The following PHIP variants were observed in gnomAD, a reference collection of about 807,000 sequenced individuals.
PHIP encodes PHIP subunit of CUL4-Ring ligase complex.
PHIP carries 54 observed loss-of-function variants against 236.8 expected under a neutral mutation model. That is an observed-to-expected ratio of 0.23 (90% confidence interval 0.18 to 0.29). PHIP has a LOEUF of 0.29. Among genes scored for constraint, PHIP ranks in the 10% least tolerant of loss-of-function variants. PHIP has a pLI of 1.00. For missense variants in PHIP, 1,370 were observed against 2,190.8 expected, an observed-to-expected ratio of 0.63 and a Z score of 7.48; for synonymous variants, 756 against 718.9, an observed-to-expected ratio of 1.05 and a Z score of -0.83.
At chr6:79,044,202 T>C (rs979252181) in intron 6 of PHIP, among the ~76,000 whole-genome samples, 2 of 152,128 alleles carry the variant, frequency 1.3e-5, no homozygotes, top group African/African-American at 4.8e-5. Flanking sequence ...TATGCTTATA[T>C]GTTCTTTCAT....
chr6:78,985,001 T>TAA, intron 22 of PHIP, among the ~76,000 whole-genome samples: 1 of 152,154 alleles, frequency 6.6e-6, no homozygotes, highest in Middle Eastern at 3.4e-3. Flanking sequence ...ATTCCATAAA[T>TAA]TCCACTATAT....
At chr6:79,072,363 C>T (rs1017237980) in intron 4 of PHIP, among the ~76,000 whole-genome samples, 4 of 152,218 alleles carry the variant, frequency 2.6e-5, no homozygotes, top group Non-Finnish European at 5.9e-5. Flanking sequence ...ACAATTTTTC[C>T]AGAGGTCTAT....
intron 15 of PHIP, among the ~76,000 whole-genome samples, chr6:79,014,325 T>A (rs1014065497): frequency 6.6e-6 from 1 of 151,788 alleles, no homozygotes; most frequent in African/African-American, 2.4e-5. Flanking sequence ...TTATGGTTCA[T>A]TACTAAAGAT....
chr6:79,025,676 A>C, intron 8 of PHIP, 57 bp from the exon 9 acceptor site: 1 of 1,143,394 alleles, frequency 8.7e-7, no homozygotes, highest in Non-Finnish European at 1.3e-6. Flanking sequence ...TCAAAATAAA[A>C]TCTACTTTTT....
intron 35 of PHIP, among the ~76,000 whole-genome samples, chr6:78,951,274 T>C (rs1774128089): frequency 6.6e-6 from 1 of 152,180 alleles, no homozygotes; most frequent in South Asian, 2.1e-4. Context: ...TTGGCTCATA[T>C]CTTGGGCTTA....
At chr6:79,070,226 T>A (rs1056040603) in intron 4 of PHIP, among the ~76,000 whole-genome samples, 1 of 152,184 alleles carries the variant, frequency 6.6e-6, no homozygotes. Context: ...ATTTTAAAAT[T>A]CTCTTTAAAG....
In PHIP at chr6:79,025,515, T is replaced by C; in HGVS notation, c.923+4A>G. Reference sequence around the variant, plus strand: ...TTAATCTATGAAATAAAATAGAAACTGACTTTATTTTAAGGGTTCCAGCAT... The same window carrying C: ...TTAATCTATGAAATAAAATAGAAACCGACTTTATTTTAAGGGTTCCAGCAT... On this transcript the variant is annotated splice_donor_region_variant and intron_variant, in intron 9 of 39. Coordinates refer to ENST00000275034, the MANE Select transcript of PHIP (RefSeq NM_017934.7). The C allele has an allele frequency of 3.2e-6, 5 of 1,544,558 alleles. No homozygotes were observed. Among genetic ancestry groups the C allele is most frequent in the Non-Finnish European group, 3.6e-6 (4 of 1,117,840 alleles).
chr6:79,016,118 T>C (rs1481931992), intron 13 of PHIP, among the ~76,000 whole-genome samples: 2 of 152,038 alleles, frequency 1.3e-5, no homozygotes, highest in Non-Finnish European at 2.9e-5. Flanking sequence ...CTGTTCTGCT[T>C]TCCCATCCAT....
Position 78,985,423 on chromosome 6 carries a change from G to A in PHIP, c.2466C>T (p.Gly822=), listed in dbSNP as rs757432741. 2.2e-5 allele frequency: 34 copies of A among 1,558,546 alleles called. No individual in the cohort carries two copies. The highest frequency in any genetic ancestry group is 1.4e-5 in the African/African-American group (1 of 73,630). Residue 822 remains glycine, a synonymous_variant, in exon 22 of 40, where the codon GGC becomes GGT. Coordinates refer to ENST00000275034, the MANE Select transcript of PHIP (RefSeq NM_017934.7). ...TTCCACCACTGACAGCAACTACTTC[G>A]CCTTCCTAAGATATGTTGAATACAT... ...IENGSSSSDE[G]EVVAVSGGTS...
rs369427137 is a variant in PHIP at position 78,946,883 on chromosome 6, GAA to G, written c.4207-11_4207-10del. On this transcript the variant is annotated splice_polypyrimidine_tract_variant and intron_variant, in intron 36 of 39. Coordinates refer to ENST00000275034, the MANE Select transcript of PHIP (RefSeq NM_017934.7). ...AAACTCATGCTGTAAATCTGTGAGG[GAA>G]AAAAAAAAGTGTTCAACCATTCCTT... 26 of 1,308,948 alleles carry G rather than the reference GAA, an allele frequency of 2.0e-5. No individual in the cohort carries two copies. Among genetic ancestry groups the G allele is most frequent in the Admixed American group, 8.3e-5 (3 of 36,274 alleles). 81.1% of individuals were successfully genotyped at this position (1,308,948 alleles called of 1,614,324 possible). A position where few individuals can be genotyped will look rare whatever the true frequency, so the allele number is the denominator to read the frequency against.
At position 78,987,350 on chromosome 6, in the gene PHIP, A is replaced by G. The variant is rs117968518; in HGVS notation, c.2460+859T>C. ...CATGTGTCAAATTCATATAATCAGT[A>G]TATTTCTCTTTTTTTGCCAGAATGA... On this transcript the variant is annotated intron_variant, in intron 21 of 39. Coordinates refer to ENST00000275034, the MANE Select transcript of PHIP (RefSeq NM_017934.7). Among the ~76,000 whole-genome samples the G allele has an allele frequency of 9.0e-4, 137 of 152,246 alleles. 1 individual carries two copies. The Middle Eastern group carries it at 0.024, about 26-fold the overall frequency.
chr6:79,002,843 A>G (rs1478655909), intron 16 of PHIP, among the ~76,000 whole-genome samples: 1 of 152,072 alleles, frequency 6.6e-6, no homozygotes, highest in Non-Finnish European at 1.5e-5. Flanking sequence ...AGTAAGTATG[A>G]TTTGTGTAAT....
chr6:79,035,850 C>T (rs188760802), intron 7 of PHIP, among the ~76,000 whole-genome samples: 167 of 152,228 alleles, frequency 1.1e-3, no homozygotes, highest in Admixed American at 1.6e-3. Flanking sequence ...ACCAATCTAT[C>T]AGACCTGTGT....
intron 35 of PHIP, among the ~76,000 whole-genome samples, chr6:78,949,879 G>A (rs552705435): frequency 7.6e-4 from 115 of 152,148 alleles, no homozygotes; most frequent in African/African-American, 2.6e-3. Context: ...TGTAAAGACG[G>A]GGTTTTGCCA....
intron 6 of PHIP, among the ~76,000 whole-genome samples, chr6:79,057,832 G>A (rs550775368): frequency 1.3e-5 from 2 of 152,084 alleles, no homozygotes; most frequent in Non-Finnish European, 2.9e-5. Context: ...CACTATGCAG[G>A]CAACTATTCT....
At chr6:78,982,345 T>C (rs776260700) in intron 23 of PHIP, among the ~76,000 whole-genome samples, 7 of 152,014 alleles carry the variant, frequency 4.6e-5, no homozygotes, top group Non-Finnish European at 2.9e-5. Context: ...AAATCAATAC[T>C]GCTACTGACC....
chr6:78,970,203 T>C (rs1163920571), intron 25 of PHIP, 30 bp from the exon 26 acceptor site: 7 of 1,593,258 alleles, frequency 4.4e-6, no homozygotes, highest in Non-Finnish European at 4.3e-6. Flanking sequence ...TAAGGAACCA[T>C]CTTTACAAAA....
intron 10 of PHIP, among the ~76,000 whole-genome samples, chr6:79,018,822 A>C (rs1582231574): frequency 6.6e-6 from 1 of 151,988 alleles, no homozygotes. Flanking sequence ...AACAGGGTCG[A>C]TTTTGAAACT....
chr6:79,018,611 T>G (rs1338023), intron 10 of PHIP, among the ~76,000 whole-genome samples: 40,243 of 151,800 alleles, frequency 0.27, 5,656 homozygotes, highest in Non-Finnish European at 0.31. Context: ...CAAATCTGAA[T>G]TGGAATCTTA....
Sources: gnomAD v4.1 joint callset for allele counts (sites outside exome capture counted in the v4.1 genomes callset) on GRCh38, gnomAD v4.1.1 for gene constraint, MANE v1.5 for transcripts, NCBI Gene and HGNC (gene_info 2026-07-23, HGNC 2026-07-21) for gene names.